GLIS3: variants seen among roughly 807,000 people sequenced by gnomAD.
GLIS3 encodes GLIS family zinc finger 3, also known as zinc finger protein GLIS3.
GLIS3 carries 53 observed loss-of-function variants against 78.6 expected under a neutral mutation model. The observed-to-expected ratio is 0.67, with a 90% CI of 0.54 to 0.85. The LOEUF (loss-of-function observed/expected upper bound fraction) is 0.85, where lower values mean the gene tolerates loss of function less well. Among genes scored for constraint, GLIS3 ranks in the 40% least tolerant of loss-of-function variants. The probability of loss-of-function intolerance (pLI) is 0.00; values close to 1 mark genes in which losing one functional copy is unlikely to be tolerated. For missense variants in GLIS3, 1,703 were observed against 1,231.1 expected (o/e 1.38, Z -5.74); for synonymous variants, 684 against 509.9 (o/e 1.34, Z -4.60).
In GLIS3 at chr9:4,322,945, G is replaced by A. The variant is rs187830759; in HGVS notation, n.265-12417C>T. Among the ~76,000 whole-genome samples the A allele has an allele frequency of 9.2e-3, 1,406 of 152,226 alleles. 4 individuals are homozygous for A. Among genetic ancestry groups the A allele is most frequent in the Non-Finnish European group, 0.013 (895 of 68,002 alleles). On this transcript the variant is annotated intron_variant and non_coding_transcript_variant, in intron 2 of 4. Coordinates refer to the GLIS3 transcript ENST00000471664. ...ATCCCATTTGTCCATTTTGGCTTTT[G>A]TTGCCATTGCTTTTGGTGTTTTAGT...
chr9:4,206,918 T>C (rs1472863003), intron 2 of GLIS3, among the ~76,000 whole-genome samples: 2 of 152,202 alleles, frequency 1.3e-5, no homozygotes, highest in African/African-American at 4.8e-5. Flanking sequence ...ACGAAGTCCA[T>C]GATACTGACA....
At chr9:4,213,371 G>A (rs1480659071) in intron 2 of GLIS3, among the ~76,000 whole-genome samples, 1 of 152,068 alleles carries the variant, frequency 6.6e-6, no homozygotes, top group Non-Finnish European at 1.5e-5. Flanking sequence ...TCTTTACATA[G>A]CATATACTGT....
chr9:4,099,566 C>T (rs12686490), intron 4 of GLIS3, among the ~76,000 whole-genome samples: 40,413 of 152,028 alleles, frequency 0.27, 5,880 homozygotes, highest in East Asian at 0.49. Context: ...CTCTAAAGAC[C>T]GTGTTTTCAC....
At chr9:3,832,410 G>C (rs947819943) in intron 9 of GLIS3, among the ~76,000 whole-genome samples, 8 of 152,124 alleles carry the variant, frequency 5.3e-5, no homozygotes, top group African/African-American at 1.9e-4. Context: ...GCTGTTCCTA[G>C]GTGGAATCTT....
At chr9:4,235,923 T>G (rs1284022587) in intron 2 of GLIS3, among the ~76,000 whole-genome samples, 1 of 152,006 alleles carries the variant, frequency 6.6e-6, no homozygotes, top group Non-Finnish European at 1.5e-5. Context: ...TGGTGCCAAC[T>G]GACAGAAACA....
intron 2 of GLIS3, among the ~76,000 whole-genome samples, chr9:4,209,756 A>G (rs1820219715): frequency 6.6e-6 from 1 of 152,030 alleles, no homozygotes; most frequent in South Asian, 2.1e-4. Flanking sequence ...TATTCTGTGC[A>G]TCTCTGGATG....
intron 2 of GLIS3, among the ~76,000 whole-genome samples, chr9:4,194,718 G>C (rs1387235207): frequency 6.6e-6 from 1 of 152,194 alleles, no homozygotes; most frequent in Non-Finnish European, 1.5e-5. Context: ...CCCAGTACCT[G>C]AGAGAGGGAG....
chr9:4,150,124 A>G (rs568628365), intron 2 of GLIS3, among the ~76,000 whole-genome samples: 1 of 152,328 alleles, frequency 6.6e-6, no homozygotes, highest in South Asian at 2.1e-4. Context: ...GAGCTTCCCC[A>G]GAGAAGCAAC....
At chr9:4,325,753 G>T (rs1817588789) in intron 2 of GLIS3, among the ~76,000 whole-genome samples, 1 of 151,978 alleles carries the variant, frequency 6.6e-6, no homozygotes, top group South Asian at 2.1e-4. Flanking sequence ...TCTTGTTCAT[G>T]ATGTGAAGCT....
intron 4 of GLIS3, among the ~76,000 whole-genome samples, chr9:4,067,780 GA>G (rs1221790310): frequency 7.2e-6 from 1 of 138,774 alleles, no homozygotes; most frequent in Admixed American, 7.7e-5. Flanking sequence ...CTCATTTCAA[GA>G]AAAAAACCAT....
intron 2 of GLIS3, among the ~76,000 whole-genome samples, chr9:4,185,708 G>T (rs1395741102): frequency 1.3e-5 from 2 of 152,196 alleles, no homozygotes; most frequent in Admixed American, 1.3e-4. Flanking sequence ...ACCTTGAGAA[G>T]AAAGTGCTCT....
At chr9:4,087,981 A>T (rs902787248) in intron 4 of GLIS3, among the ~76,000 whole-genome samples, 1 of 152,186 alleles carries the variant, frequency 6.6e-6, no homozygotes, top group Non-Finnish European at 1.5e-5. Flanking sequence ...ACTTCCCTAG[A>T]CAGACTCCAC....
chr9:4,065,098 G>A (rs114677245), intron 4 of GLIS3, among the ~76,000 whole-genome samples: 238 of 152,304 alleles, frequency 1.6e-3, no homozygotes, highest in African/African-American at 5.1e-3. Context: ...AGAGTATAGA[G>A]CTGGCTATTT....
intron 2 of GLIS3, among the ~76,000 whole-genome samples, chr9:4,184,059 A>C (rs1326636433): frequency 2.0e-5 from 3 of 152,248 alleles, no homozygotes; most frequent in Admixed American, 1.3e-4. Context: ...GTTATAAAAG[A>C]AACAAGCACT....
At chr9:4,409,351 C>T in the GLIS3 span, among the ~76,000 whole-genome samples, 1 of 152,026 alleles carries the variant, frequency 6.6e-6, no homozygotes, top group South Asian at 2.1e-4. Flanking sequence ...GGAAATGGGA[C>T]GTCAGAATAA....
At chr9:4,409,336 G>C in the GLIS3 span, among the ~76,000 whole-genome samples, 9 of 152,318 alleles carry the variant, frequency 5.9e-5, no homozygotes, top group Admixed American at 2.6e-4. Flanking sequence ...TGAGATGTGA[G>C]TGAGGGAAAT....
At chr9:4,157,527 C>G (rs7027521) in intron 2 of GLIS3, among the ~76,000 whole-genome samples, 2 of 151,904 alleles carry the variant, frequency 1.3e-5, no homozygotes, top group South Asian at 4.2e-4. Context: ...AGGGAACGAT[C>G]TATCATTCAA....
intron 1 of GLIS3, chr9:4,298,328 G>A (rs1319102958): frequency 2.2e-6 from 1 of 455,428 alleles, no homozygotes; most frequent in South Asian, 1.6e-5. Flanking sequence ...CCAGCAAGTC[G>A]GAGGGCGCGA....
rs891215877 is a variant in GLIS3 at position 3,974,138 on chromosome 9, A to C, written c.1711-36949T>G. On this transcript the variant is annotated intron_variant, in intron 4 of 10. Coordinates refer to ENST00000381971, the MANE Select transcript of GLIS3 (RefSeq NM_001042413.2). ...TCCCAACCATACATGAAAACAGAGG[A>C]AAGAGTTCTGGATTTACACCTTTTT... Among the ~76,000 whole-genome samples the C allele has an allele frequency of 1.3e-4, 20 of 152,256 alleles. 1 individual carries two copies. Among genetic ancestry groups the C allele is most frequent in the Middle Eastern group, 6.8e-3 (2 of 294 alleles).
Sources: gnomAD v4.1 joint callset for allele counts (sites outside exome capture counted in the v4.1 genomes callset) on GRCh38, gnomAD v4.1.1 for gene constraint, MANE v1.5 for transcripts, NCBI Gene and HGNC (gene_info 2026-07-23, HGNC 2026-07-21) for gene names.